The following DAP3 variants were observed in gnomAD, a reference collection of about 807,000 sequenced individuals.
The protein encoded by DAP3 is death associated protein 3.
Under a neutral mutation model 51.9 loss-of-function variants are expected in DAP3, and 28 were observed. That is an observed-to-expected ratio of 0.54 (90% CI 0.40 to 0.74). DAP3 has a LOEUF of 0.74. DAP3 is among the 30% of genes least tolerant of loss of function. The pLI is 0.00. For synonymous variants in DAP3, 170 were observed against 170.3 expected (o/e 1.00, Z 0.01); for missense variants, 458 against 483.5 (o/e 0.95, Z 0.49).
At chr1:155,730,572 T>C (rs1659136553) in intron 9 of DAP3, among the ~76,000 whole-genome samples, 1 of 151,962 alleles carries the variant, frequency 6.6e-6, no homozygotes, top group Admixed American at 6.6e-5. Context: ...GTGGAGATCG[T>C]GCCACTGCAT....
chr1:155,695,213 A>C (rs1192290978), intron 1 of DAP3, among the ~76,000 whole-genome samples: 1 of 152,246 alleles, frequency 6.6e-6, no homozygotes, highest in Non-Finnish European at 1.5e-5. Context: ...TGGTTTGGCA[A>C]GTAGACCATA....
chr1:155,712,308 A>G lies in DAP3; in HGVS notation c.45+2484A>G, dbSNP rs116855449. Among the ~76,000 whole-genome samples, 148 of 152,268 alleles carry G rather than the reference A, an allele frequency of 9.7e-4. 3 individuals are homozygous for G. The East Asian group carries it at 0.026, about 27-fold the overall frequency. On this transcript the variant is annotated intron_variant, in intron 2 of 12. Transcript: ENST00000368336. ...TGATAACATATATAAAACTTTAAGA[A>G]CTAAAGATTCCATTTTGCTGTAGGC...
At chr1:155,708,125 G>A (rs1261348566) in intron 1 of DAP3, among the ~76,000 whole-genome samples, 5 of 152,196 alleles carry the variant, frequency 3.3e-5, no homozygotes, top group Non-Finnish European at 7.3e-5. Context: ...TCGGCTCACT[G>A]CAACCTCTGC....
intron 1 of DAP3, among the ~76,000 whole-genome samples, chr1:155,708,540 G>GTTTTT (rs151238139): frequency 3.2e-4 from 33 of 103,238 alleles, no homozygotes; most frequent in African/African-American, 4.6e-4. Context: ...TTCTGTTTTT[G>GTTTTT]TTTTTTTTTT....
chr1:155,688,767 C>A (rs1391968847), upstream of DAP3: 10 of 1,529,430 alleles, frequency 6.5e-6, no homozygotes, highest in South Asian at 8.5e-5. Context: ...CCAGCACCCC[C>A]ACCCTACACT....
At chr1:155,710,530 T>G (rs1046653477) in intron 2 of DAP3, 1 of 152,046 alleles carries the variant, frequency 6.6e-6, no homozygotes, top group Non-Finnish European at 1.5e-5. Flanking sequence ...GTGCCCGGCC[T>G]TCAGTACCTT....
intron 2 of DAP3, among the ~76,000 whole-genome samples, chr1:155,714,356 C>CA (rs1296699658): frequency 1.3e-5 from 2 of 152,168 alleles, no homozygotes; most frequent in African/African-American, 4.8e-5. Flanking sequence ...TGGACCACCA[C>CA]ACCTGGCTCC....
intron 1 of DAP3, among the ~76,000 whole-genome samples, chr1:155,699,344 GTCTT>G (rs1558337771): frequency 6.6e-6 from 1 of 152,288 alleles, no homozygotes; most frequent in South Asian, 2.1e-4. Context: ...TCAGAGGAGC[GTCTT>G]TCTTCTTGAG....
rs529630299 is a variant in DAP3 at position 155,727,864 on chromosome 1, C to T, written c.603+126C>T. 4.2e-6 allele frequency: 5 copies of T among 1,199,834 alleles called. No individual in the cohort carries two copies. In the African/African-American group the frequency reaches 7.8e-5, roughly 19 times the overall value. 74.3% of individuals were successfully genotyped at this position (1,199,834 alleles called of 1,614,324 possible). A position where few individuals can be genotyped will look rare whatever the true frequency, so the allele number is the denominator to read the frequency against. On this transcript the variant is annotated intron_variant, in intron 7 of 12. Transcript: ENST00000368336. Reference sequence around the variant, plus strand: ...TAACTGTATCATTTTTAATTTCTTTCATACGTTTTGCTCACAGTGGACTCA... The same window carrying T: ...TAACTGTATCATTTTTAATTTCTTTTATACGTTTTGCTCACAGTGGACTCA...
chr1:155,699,688 A>G (rs1654943234), intron 1 of DAP3, among the ~76,000 whole-genome samples: 1 of 152,036 alleles, frequency 6.6e-6, no homozygotes, highest in Admixed American at 6.6e-5. Flanking sequence ...ATCATAGCTC[A>G]CTGCAGCCTC....
rs145834196 is a variant in DAP3 at position 155,717,035 on chromosome 1, G to T, written c.75G>T (p.Gly25=). The change falls in exon 3 of 13, where the codon GGG becomes GGT. Residue 25 remains glycine (G), a synonymous_variant. Coordinates refer to ENST00000368336, the MANE Select transcript of DAP3 (RefSeq NM_004632.4). ...KLDPGRFLHM[G]TQARQSIAAH... is the part of the protein sequence containing the mutation. ...ACCCTGGGCGTTTTTTACACATGGG[G>T]ACCCAGGCTCGCCAAAGCATTGCTG... 242 of 1,614,052 alleles carry T rather than the reference G, an allele frequency of 1.5e-4. 4 individuals are homozygous for T. The Middle Eastern group carries it at 2.8e-3, about 19-fold the overall frequency.
intron 1 of DAP3, among the ~76,000 whole-genome samples, chr1:155,702,011 AAGAT>A (rs922594694): frequency 2.0e-5 from 3 of 151,436 alleles, no homozygotes; most frequent in Admixed American, 2.0e-4. Flanking sequence ...ATTCCAGAAG[AAGAT>A]AGAGGAGCAC....
chr1:155,721,354 ATG>A (rs2149174608), intron 3 of DAP3, among the ~76,000 whole-genome samples, 161 bp from the exon 4 acceptor site: 1 of 148,748 alleles, frequency 6.7e-6, no homozygotes, highest in Non-Finnish European at 1.5e-5. Flanking sequence ...ATATATATGT[ATG>A]TGTATATATA....
At chr1:155,701,499 T>C (rs1339999409) in intron 1 of DAP3, among the ~76,000 whole-genome samples, 5 of 109,818 alleles carry the variant, frequency 4.6e-5, no homozygotes, top group African/African-American at 2.0e-4. Context: ...TTAAGAGTCA[T>C]CACCAATCCC....
rs199950422 is a variant in DAP3, at chr1:155,705,617, AG to A, written c.-7-4155del. 1.3e-3 allele frequency among the ~76,000 whole-genome samples: 204 copies of A among 151,166 alleles called. 2 individuals carry two copies. In the South Asian group the frequency reaches 0.02, roughly 15 times the overall value. On this transcript the variant is annotated intron_variant, in intron 1 of 12. Transcript: ENST00000368336. Reference sequence around the variant, plus strand: ...GACCCTGTCTCAAAAAAAAAAAGAAAGAAAAAAAAAACAGAAAGGAAATAAA... The same window carrying A: ...GACCCTGTCTCAAAAAAAAAAAGAAAAAAAAAAAAACAGAAAGGAAATAAA...
chr1:155,732,107 G>C, intron 11 of DAP3, 74 bp downstream of exon 11: 1 of 1,314,576 alleles, frequency 7.6e-7, no homozygotes, highest in Non-Finnish European at 1.0e-6. Flanking sequence ...ATTAATCTAT[G>C]TATTTTGACA....
At chr1:155,722,717 T>G (rs1658143925) in intron 4 of DAP3, among the ~76,000 whole-genome samples, 2 of 152,212 alleles carry the variant, frequency 1.3e-5, no homozygotes, top group Non-Finnish European at 2.9e-5. Flanking sequence ...GAGGATGGCT[T>G]GAGCCCAGGA....
At chr1:155,688,167 C>T (rs1254688794), upstream of DAP3, 4 of 1,614,012 alleles carry the variant, frequency 2.5e-6, no homozygotes, top group Non-Finnish European at 3.4e-6. Context: ...GCGGATCCCT[C>T]CCGCTTGTCA....
At chr1:155,717,587 G>A (rs957682263) in intron 3 of DAP3, among the ~76,000 whole-genome samples, 3 of 152,170 alleles carry the variant, frequency 2.0e-5, no homozygotes, top group African/African-American at 7.2e-5. Flanking sequence ...GTGTGAACAT[G>A]TTCCAGTAAA....
Sources: allele counts gnomAD v4.1 joint callset (sites outside exome capture counted in the v4.1 genomes callset), GRCh38; gene constraint gnomAD v4.1.1; transcripts MANE v1.5; gene names NCBI Gene and HGNC (gene_info 2026-07-23, HGNC 2026-07-21).